Variants in FHIT observed in about 807,000 individuals in gnomAD.
The protein encoded by FHIT is bis(5'-adenosyl)-triphosphatase.
A neutral mutation model predicts 17.9 loss-of-function variants in FHIT; 19 were observed. That is an observed-to-expected ratio of 1.06 (90% CI 0.74 to 1.56). The LOEUF (loss-of-function observed/expected upper bound fraction) is 1.56, where lower values mean the gene tolerates loss of function less well. Among genes scored for constraint, FHIT ranks in the 40% most tolerant of loss-of-function variants. The pLI is 0.00. For synonymous variants in FHIT, 81 were observed against 69.7 expected (o/e 1.16, Z -0.81); for missense variants, 248 against 189.2 (o/e 1.31, Z -1.82).
intron 3 of FHIT, among the ~76,000 whole-genome samples, chr3:60,964,018 G>A (rs1351079014): frequency 6.6e-6 from 1 of 152,130 alleles, no homozygotes; most frequent in African/African-American, 2.4e-5. Flanking sequence ...TCTGTCTAAT[G>A]TTGCCAGTGG....
intron 5 of FHIT, among the ~76,000 whole-genome samples, chr3:60,253,960 G>T (rs533671872): frequency 6.6e-6 from 1 of 152,216 alleles, no homozygotes; most frequent in South Asian, 2.1e-4. Flanking sequence ...TTACAACATT[G>T]TATTTCAAAA....
At chr3:60,885,640 C>T (rs946031497) in intron 3 of FHIT, among the ~76,000 whole-genome samples, 7 of 152,182 alleles carry the variant, frequency 4.6e-5, no homozygotes, top group African/African-American at 1.7e-4. Context: ...CTTCTACCTC[C>T]TCACCAATTA....
At chr3:60,626,805 C>CCT (rs34696094) in intron 4 of FHIT, among the ~76,000 whole-genome samples, 3 of 136,132 alleles carry the variant, frequency 2.2e-5, no homozygotes, top group Admixed American at 7.3e-5. Context: ...TTTTTTTTTA[C>CCT]GTTAAGTATG....
chr3:60,874,794 T>C (rs1459343797), intron 3 of FHIT, among the ~76,000 whole-genome samples: 2 of 152,142 alleles, frequency 1.3e-5, no homozygotes, highest in African/African-American at 4.8e-5. Context: ...GTCAATGCTC[T>C]AAGCTCAACA....
At chr3:61,056,270 A>C (rs993133486) in intron 2 of FHIT, among the ~76,000 whole-genome samples, 1 of 152,216 alleles carries the variant, frequency 6.6e-6, no homozygotes, top group Non-Finnish European at 1.5e-5. Flanking sequence ...AAAAAGGGAA[A>C]AAAATGAGTC....
At position 60,356,760 on chromosome 3, in the gene FHIT, A is replaced by C. The variant is rs766585572; in HGVS notation, c.103+180100T>G. 1.8e-3 allele frequency among the ~76,000 whole-genome samples: 119 copies of C among 65,894 alleles called. 1 individual carries two copies. The highest frequency in any genetic ancestry group is 4.6e-3 in the Admixed American group (21 of 4,596). 43.2% of individuals were successfully genotyped at this position (65,894 alleles called of 152,430 possible). Reference sequence around the variant, plus strand: ...ATAGCAGGAAGACAGAGACAAAAAAAAAAAAAAAAAAAAAAAAAAACGGAA... The same window carrying C: ...ATAGCAGGAAGACAGAGACAAAAAACAAAAAAAAAAAAAAAAAAAACGGAA... On this transcript the variant is annotated intron_variant, in intron 5 of 9. Coordinates refer to ENST00000492590, the MANE Select transcript of FHIT (RefSeq NM_002012.4).
chr3:59,852,226 T>A (rs1455760818), intron 8 of FHIT, among the ~76,000 whole-genome samples: 1 of 152,124 alleles, frequency 6.6e-6, no homozygotes, highest in Non-Finnish European at 1.5e-5. Context: ...GCTTTGTTCT[T>A]CGGGTAGAGA....
intron 2 of FHIT, among the ~76,000 whole-genome samples, chr3:61,143,436 C>G (rs2107012281): frequency 6.6e-6 from 1 of 152,298 alleles, no homozygotes; most frequent in South Asian, 2.1e-4. Flanking sequence ...GTTGCTTACA[C>G]TATTGGAAAA....
intron 7 of FHIT, among the ~76,000 whole-genome samples, chr3:59,973,516 A>G (rs9831397): frequency 0.016 from 2,480 of 152,204 alleles, 87 homozygotes; most frequent in African/African-American, 0.057. Context: ...ATCATGTTTT[A>G]AAGAAGATCT....
chr3:60,556,593 A>T (rs552191913), intron 4 of FHIT, among the ~76,000 whole-genome samples: 5 of 152,348 alleles, frequency 3.3e-5, no homozygotes, highest in Admixed American at 2.0e-4. Context: ...AAGTCAAGCA[A>T]CTTGATCAAG....
intron 2 of FHIT, among the ~76,000 whole-genome samples, chr3:61,188,665 T>C (rs975553419): frequency 6.6e-6 from 1 of 152,130 alleles, no homozygotes; most frequent in African/African-American, 2.4e-5. Context: ...TTGATGAACA[T>C]TGATGCAAAA....
At chr3:60,338,106 A>G (rs571469148) in intron 5 of FHIT, among the ~76,000 whole-genome samples, 35 of 152,276 alleles carry the variant, frequency 2.3e-4, no homozygotes, top group Admixed American at 2.2e-3. Flanking sequence ...GACAGGATGG[A>G]ATGCGTTTTC....
intron 2 of FHIT, among the ~76,000 whole-genome samples, chr3:61,061,060 C>T (rs748466778): frequency 3.3e-5 from 5 of 152,180 alleles, no homozygotes; most frequent in Non-Finnish European, 2.9e-5. Flanking sequence ...AATGTTCCAG[C>T]CCTTTGATGA....
intron 5 of FHIT, among the ~76,000 whole-genome samples, chr3:60,070,963 T>C (rs898715025): frequency 6.6e-6 from 1 of 152,256 alleles, no homozygotes; most frequent in Non-Finnish European, 1.5e-5. Context: ...GACTAGTTTA[T>C]GGTTAACAAA....
At chr3:60,823,910 C>T (rs1002100827) in intron 3 of FHIT, among the ~76,000 whole-genome samples, 1 of 152,124 alleles carries the variant, frequency 6.6e-6, no homozygotes, top group Non-Finnish European at 1.5e-5. Context: ...AAAGTACAAA[C>T]CTCCCAGGCA....
At chr3:61,109,737 C>G (rs538415665) in intron 2 of FHIT, among the ~76,000 whole-genome samples, 1 of 152,154 alleles carries the variant, frequency 6.6e-6, no homozygotes, top group Admixed American at 6.5e-5. Flanking sequence ...CTTGAAGGAA[C>G]CACCTCCATT....
chr3:60,957,438 C>A (rs1196416906), intron 3 of FHIT, among the ~76,000 whole-genome samples: 2 of 151,866 alleles, frequency 1.3e-5, no homozygotes, highest in African/African-American at 2.4e-5. Flanking sequence ...GGGGTTTCAC[C>A]GTGTTAGCCA....
At chr3:60,492,958 G>T (rs753762587) in intron 5 of FHIT, among the ~76,000 whole-genome samples, 1 of 152,082 alleles carries the variant, frequency 6.6e-6, no homozygotes, top group Non-Finnish European at 1.5e-5. Context: ...CTCTGGGCGA[G>T]TAACTCCCAT....
At chr3:60,174,416 G>T (rs561477177) in intron 5 of FHIT, among the ~76,000 whole-genome samples, 1 of 152,078 alleles carries the variant, frequency 6.6e-6, no homozygotes, top group Admixed American at 6.6e-5. Flanking sequence ...GTAAGATTTT[G>T]ATTGTTTTGT....
Sources: allele counts gnomAD v4.1 joint callset (sites outside exome capture counted in the v4.1 genomes callset), GRCh38; gene constraint gnomAD v4.1.1; transcripts MANE v1.5; gene names NCBI Gene and HGNC (gene_info 2026-07-23, HGNC 2026-07-21).